Variants in LIN54 observed in about 807,000 individuals in gnomAD.
The protein encoded by LIN54 is protein lin-54 homolog.
Under a neutral mutation model 78.7 loss-of-function variants are expected in LIN54, and 9 were observed. That is an observed-to-expected ratio of 0.11 (90% CI 0.07 to 0.20). The LOEUF is 0.20. Among genes scored for constraint, LIN54 ranks in the 10% least tolerant of loss-of-function variants. The probability of loss-of-function intolerance (pLI) is 1.00; values close to 1 mark genes in which losing one functional copy is unlikely to be tolerated. For synonymous variants in LIN54, 269 were observed against 318.4 expected (o/e 0.84, Z 1.65); for missense variants, 573 against 889.9 (o/e 0.64, Z 4.53).
chr4:82,954,119 C>T (rs952654871), intron 4 of LIN54, among the ~76,000 whole-genome samples: 2 of 151,948 alleles, frequency 1.3e-5, no homozygotes, highest in Non-Finnish European at 2.9e-5. Flanking sequence ...GTAAGGAAGA[C>T]TTATCCAAGT....
intron 4 of LIN54, among the ~76,000 whole-genome samples, chr4:82,968,043 G>GTTT (rs371267602): frequency 6.9e-6 from 1 of 144,590 alleles, no homozygotes. Flanking sequence ...TTTGTTTTTT[G>GTTT]TTTTTTTTTT....
At chr4:83,012,094 T>C (rs962705208), upstream of LIN54, 15 of 946,436 alleles carry the variant, frequency 1.6e-5, no homozygotes, top group African/African-American at 1.8e-5. Context: ...CCCACCCCAA[T>C]TGCTGTTTTT....
At chr4:82,959,959 TAA>T in intron 4 of LIN54, among the ~76,000 whole-genome samples, 1 of 152,336 alleles carries the variant, frequency 6.6e-6, no homozygotes, top group African/African-American at 2.4e-5. Context: ...AGAACTCACT[TAA>T]GTCTTCCTTC....
intron 4 of LIN54, among the ~76,000 whole-genome samples, chr4:82,953,666 G>A (rs1249205983): frequency 6.6e-6 from 1 of 151,932 alleles, no homozygotes; most frequent in Non-Finnish European, 1.5e-5. Context: ...AGTCAGTATC[G>A]CCCTGGCATG....
chr4:82,984,143 C>G lies in LIN54; in HGVS notation c.684+18G>C. On this transcript the variant is annotated intron_variant, in intron 2 of 12. Coordinates refer to ENST00000340417, the MANE Select transcript of LIN54 (RefSeq NM_194282.4). ...TTAAACATGCATTTTAATTAGTAAG[C>G]CCCCTTTTTTCTTTTACCTGTACTG... 1 of 1,525,422 alleles carries G rather than the reference C, an allele frequency of 6.6e-7. No homozygotes were observed. Among genetic ancestry groups the G allele is most frequent in the Non-Finnish European group, 8.9e-7 (1 of 1,128,974 alleles). 94.5% of individuals were successfully genotyped at this position (1,525,422 alleles called of 1,614,324 possible). A position where few individuals can be genotyped will look rare whatever the true frequency, so the allele number is the denominator to read the frequency against.
At chr4:82,993,355 T>G (rs1269164919) in intron 1 of LIN54, among the ~76,000 whole-genome samples, 3 of 151,300 alleles carry the variant, frequency 2.0e-5, no homozygotes, top group Non-Finnish European at 4.4e-5. Context: ...TAGCTGGGAT[T>G]ATAGGCATGC....
intron 4 of LIN54, among the ~76,000 whole-genome samples, chr4:82,949,254 C>T (rs1477565422): frequency 1.3e-5 from 2 of 152,138 alleles, no homozygotes; most frequent in African/African-American, 4.8e-5. Context: ...TTCCATTTCC[C>T]TGATGATTAA....
chr4:82,983,152 C>A (rs1726818298), intron 2 of LIN54, among the ~76,000 whole-genome samples: 1 of 151,926 alleles, frequency 6.6e-6, no homozygotes, highest in South Asian at 2.1e-4. Context: ...GGATTATAGG[C>A]ACTCGCCACC....
chr4:82,966,029 T>C (rs1725174751), intron 4 of LIN54, among the ~76,000 whole-genome samples: 1 of 152,244 alleles, frequency 6.6e-6, no homozygotes, highest in South Asian at 2.1e-4. Flanking sequence ...TAGTTTCTAC[T>C]AATAACCCCC....
intron 4 of LIN54, 66 bp from the exon 5 acceptor site, chr4:82,946,540 T>G: frequency 7.9e-7 from 1 of 1,263,568 alleles, no homozygotes; most frequent in Non-Finnish European, 1.1e-6. Flanking sequence ...TTTTAATTTA[T>G]AACCATTGCT....
At chr4:82,956,151 A>G (rs540862337) in intron 4 of LIN54, among the ~76,000 whole-genome samples, 3 of 152,102 alleles carry the variant, frequency 2.0e-5, no homozygotes, top group Admixed American at 1.3e-4. Flanking sequence ...GGTTTTTGCC[A>G]TGTTGGCCAG....
Position 82,931,008 on chromosome 4 carries a change from C to T in LIN54, c.1983G>A (p.Lys661=), listed in dbSNP as rs772885353. ...RVQQQTAAKT[K]LSSQISDLLT... is the part of the protein sequence containing the mutation. ...GCAAGTCTGAAATTTGAGAGGATAA[C>T]TTCGTCTTGGCTGCTGTTTGTTGCT... The change falls in exon 12 of 13, where the codon AAG becomes AAA. Residue 661 remains lysine, a synonymous_variant. Transcript: ENST00000340417. 1.9e-5 allele frequency: 31 copies of T among 1,614,064 alleles called. No individual in the cohort carries two copies. Among genetic ancestry groups the T allele is most frequent in the Non-Finnish European group, 2.4e-5 (28 of 1,180,040 alleles).
chr4:83,010,779 C>A lies in LIN54; in HGVS notation c.-328G>T. ...TCACCATCACAGCTCAGCAGCTTCC[C>A]CGACAGCCGGAGCCCGGGCCGCCGC... is the stretch of plus-strand genomic sequence containing the variant. On this transcript the variant is annotated 5_prime_UTR_variant, in exon 1 of 13. Coordinates refer to ENST00000340417, the MANE Select transcript of LIN54 (RefSeq NM_194282.4). 2.4e-6 allele frequency: 3 copies of A among 1,234,438 alleles called. No homozygotes were observed. The highest frequency in any genetic ancestry group is 3.0e-6 in the Non-Finnish European group (3 of 990,222). 76.5% of individuals were successfully genotyped at this position (1,234,438 alleles called of 1,614,324 possible).
chr4:82,968,061 G>C (rs1725355803), intron 4 of LIN54, among the ~76,000 whole-genome samples: 1 of 150,066 alleles, frequency 6.7e-6, no homozygotes, highest in African/African-American at 2.5e-5. Context: ...TTTTTCTGGA[G>C]ACAAGAGTTT....
rs747964518 is a variant in LIN54, at chr4:82,946,462, T to C, written c.964A>G (p.Thr322Ala). 2.5e-6 allele frequency: 4 copies of C among 1,612,482 alleles called. No homozygotes were observed. Among genetic ancestry groups the C allele is most frequent in the Non-Finnish European group, 3.4e-6 (4 of 1,178,476 alleles). The stretch of plus-strand genomic sequence containing the variant: ...CCTCCAACAGTGATGGTCTGCACAG[T>C]TGATTTCACTGCCTATTAAACAATA... ...LKSPNKAVKS[T>A]VQTITVGGVS... Residue 322 changes from threonine to alanine, a missense_variant, in exon 5 of 13, where the codon ACT becomes GCT. Transcript: ENST00000340417.
At chr4:82,986,175 G>T (rs553058859) in intron 1 of LIN54, among the ~76,000 whole-genome samples, 31 of 152,068 alleles carry the variant, frequency 2.0e-4, no homozygotes, top group Non-Finnish European at 4.0e-4. Context: ...GAGTGCAGTG[G>T]CGCAATCTCG....
chr4:82,978,841 G>C, intron 3 of LIN54, 42 bp downstream of exon 3: 1 of 1,252,082 alleles, frequency 8.0e-7, no homozygotes. Flanking sequence ...AATCTAAAAG[G>C]AAGATAAATA....
chr4:82,936,224 T>C, intron 10 of LIN54, 55 bp downstream of exon 10: 1 of 1,542,696 alleles, frequency 6.5e-7, no homozygotes, highest in Non-Finnish European at 8.9e-7. Flanking sequence ...TTGAGTTTTA[T>C]AAAACTGATG....
intron 12 of LIN54, among the ~76,000 whole-genome samples, chr4:82,929,592 G>C (rs1164823455): frequency 6.6e-6 from 1 of 152,026 alleles, no homozygotes; most frequent in Non-Finnish European, 1.5e-5. Flanking sequence ...ATCACCTGAG[G>C]TCAGGCGTTC....
Sources: gnomAD v4.1 joint callset for allele counts (sites outside exome capture counted in the v4.1 genomes callset) on GRCh38, gnomAD v4.1.1 for gene constraint, MANE v1.5 for transcripts, NCBI Gene and HGNC (gene_info 2026-07-23, HGNC 2026-07-21) for gene names.